Variants in SNAPC1 observed in about 807,000 individuals in gnomAD.
SNAPC1 encodes the protein snRNA-activating protein complex subunit 1.
Under a neutral mutation model 50.1 loss-of-function variants are expected in SNAPC1, and 42 were observed. The observed-to-expected ratio is 0.84, with a 90% CI of 0.65 to 1.08. The LOEUF (loss-of-function observed/expected upper bound fraction) is 1.08. SNAPC1 is among the 50% of genes least tolerant of loss of function. SNAPC1 has a pLI of 0.00. For synonymous variants in SNAPC1, 164 were observed against 144.2 expected, an observed-to-expected ratio of 1.14 and a Z score of -0.98; for missense variants, 477 against 427.3, an observed-to-expected ratio of 1.12 and a Z score of -1.02.
At chr14:61,778,008 G>C in intron 5 of SNAPC1, 64 bp from the exon 6 acceptor site, 1 of 713,084 alleles carries the variant, frequency 1.4e-6, no homozygotes, top group Non-Finnish European at 2.3e-6. Context: ...AAATTGATTT[G>C]CAGTTAATTG....
intron 8 of SNAPC1, among the ~76,000 whole-genome samples, chr14:61,785,012 C>T (rs931541197): frequency 1.3e-5 from 2 of 152,034 alleles, no homozygotes; most frequent in African/African-American, 4.8e-5. Flanking sequence ...CCACTGTAAA[C>T]CTTACAAAGA....
At chr14:61,777,522 C>T (rs1488311480) in intron 5 of SNAPC1, among the ~76,000 whole-genome samples, 2 of 152,044 alleles carry the variant, frequency 1.3e-5, no homozygotes, top group Non-Finnish European at 2.9e-5. Context: ...GGTTTGCAGA[C>T]ACGTGCCACC....
intron 3 of SNAPC1, among the ~76,000 whole-genome samples, chr14:61,767,753 C>T (rs995385511): frequency 7.9e-5 from 12 of 151,520 alleles, no homozygotes; most frequent in Admixed American, 4.6e-4. Flanking sequence ...TGAGCCACTG[C>T]GCCCGGCCTG....
At chr14:61,774,560 GT>G (rs2045019539) in intron 4 of SNAPC1, among the ~76,000 whole-genome samples, 1 of 150,584 alleles carries the variant, frequency 6.6e-6, no homozygotes, top group Admixed American at 6.6e-5. Context: ...ACTGTAAAGA[GT>G]TAGGGGCTCT....
chr14:61,794,854 T>C (rs111944320), intron 9 of SNAPC1, 95 bp from the exon 10 acceptor site: 32 of 809,550 alleles, frequency 4.0e-5, no homozygotes, highest in African/African-American at 2.6e-4. Flanking sequence ...ATGTGTATTA[T>C]CAATTAGGTA....
intron 4 of SNAPC1, 36 bp downstream of exon 4, chr14:61,768,776 A>ACGGTTTTGCCGTGTT: frequency 8.3e-7 from 1 of 1,205,624 alleles, no homozygotes; most frequent in Non-Finnish European, 1.2e-6. Context: ...AATTTTTAAA[A>ACGGTTTTGCCGTGTT]ATTGTTTTAT....
intron 8 of SNAPC1, 74 bp from the exon 9 acceptor site, chr14:61,792,733 T>C: frequency 2.4e-6 from 2 of 841,110 alleles, no homozygotes; most frequent in Non-Finnish European, 3.6e-6. Flanking sequence ...ATAATGACAG[T>C]TTTTGTAAAA....
rs950247528 is a variant in SNAPC1, at chr14:61,778,788, C to T, written c.763-60C>T. 20 of 972,162 alleles carry T rather than the reference C, an allele frequency of 2.1e-5. No individual in the cohort carries two copies. In the African/African-American group the frequency reaches 3.2e-4, roughly 15 times the overall value. 60.2% of individuals were successfully genotyped at this position (972,162 alleles called of 1,614,324 possible). A position where few individuals can be genotyped will look rare whatever the true frequency, so the allele number is the denominator to read the frequency against. ...TTCTGATAATAAATACTTGGGTATT[C>T]AGTTTTTCACCTAATGTTTGTGTGT... On this transcript the variant is annotated intron_variant, in intron 6 of 9. Transcript: ENST00000216294.
chr14:61,794,648 T>G (rs2045175801), intron 9 of SNAPC1, among the ~76,000 whole-genome samples: 2 of 152,188 alleles, frequency 1.3e-5, no homozygotes, highest in South Asian at 4.1e-4. Flanking sequence ...GACCTCATGA[T>G]TCGCCCACCT....
At chr14:61,781,172 G>A (rs944242415) in intron 7 of SNAPC1, among the ~76,000 whole-genome samples, 2 of 152,058 alleles carry the variant, frequency 1.3e-5, no homozygotes, top group Non-Finnish European at 2.9e-5. Context: ...ATTGTTGGCC[G>A]GGTGCGGTGG....
In SNAPC1 at chr14:61,762,420, A is replaced by AGAGGCGTGCGGGCCTCG; in HGVS notation, c.-28_-27insCTCGGAGGCGTGCGGGC. 3.6e-6 allele frequency: 5 copies of AGAGGCGTGCGGGCCTCG among 1,387,534 alleles called. No individual in the cohort carries two copies. Among genetic ancestry groups the AGAGGCGTGCGGGCCTCG allele is most frequent in the Non-Finnish European group, 4.9e-6 (5 of 1,015,942 alleles). The allele number at this position is 1,387,534 out of a possible 1,614,324, so 86.0% of individuals were successfully genotyped here. On this transcript the variant is annotated 5_prime_UTR_variant, in exon 1 of 10. Transcript: ENST00000216294. ...GGCGACCACCGCTGGCTAGTCCGTT[A>AGAGGCGTGCGGGCCTCG]GAGGCGTGCGGGCTTCGGAGGCGTG...
intron 5 of SNAPC1, among the ~76,000 whole-genome samples, chr14:61,777,411 T>C (rs771059439): frequency 3.9e-5 from 6 of 152,174 alleles, no homozygotes; most frequent in Non-Finnish European, 8.8e-5. Flanking sequence ...GTCTTCTTGC[T>C]CTGTCACCCT....
Position 61,776,228 on chromosome 14 carries a change from A to T in SNAPC1, c.668A>T (p.His223Leu), listed in dbSNP as rs935149301. Residue 223 changes from histidine to leucine, a missense_variant, in exon 5 of 10, where the codon CAT (histidine) becomes CTT (leucine). His to Leu is a moderately conservative substitution (Grantham distance 99, BLOSUM62 -3). Coordinates refer to ENST00000216294, the MANE Select transcript of SNAPC1 (RefSeq NM_003082.4). ...AATATTAAGAACATAGTTTTGGAGC[A>T]TCAGCAGTGGCACAAAGACAGAAAG... The part of the protein sequence containing the change: ...FDNIKNIVLE[H>L]QQWHKDRKNP... 1.2e-6 allele frequency: 2 copies of T among 1,612,708 alleles called. No individual in the cohort carries two copies. The highest frequency in any genetic ancestry group is 2.7e-5 in the African/African-American group (2 of 74,868).
chr14:61,766,753 A>G (rs2044951024), intron 1 of SNAPC1, 123 bp from the exon 2 acceptor site: 1 of 514,138 alleles, frequency 1.9e-6, no homozygotes, highest in Non-Finnish European at 3.4e-6. Flanking sequence ...TTGAATCATG[A>G]AAGAATCAGG....
chr14:61,780,095 C>G lies in SNAPC1; in HGVS notation c.825+1185C>G, dbSNP rs191532206. On this transcript the variant is annotated intron_variant, in intron 7 of 9. Transcript: ENST00000216294. Reference sequence around the variant, plus strand: ...AGTCAAGAGGAGATCAGGAGCTTATCTAACCTCTAGATTTCTTTGTCTTGG... The same window carrying G: ...AGTCAAGAGGAGATCAGGAGCTTATGTAACCTCTAGATTTCTTTGTCTTGG... 4.6e-3 allele frequency among the ~76,000 whole-genome samples: 707 copies of G among 152,266 alleles called. 4 individuals are homozygous for G. The highest frequency in any genetic ancestry group is 7.3e-3 in the Non-Finnish European group (498 of 68,010).
At chr14:61,773,397 GTTTTTTTTT>G (rs58782943) in intron 4 of SNAPC1, among the ~76,000 whole-genome samples, 1 of 99,324 alleles carries the variant, frequency 1.0e-5, no homozygotes, top group African/African-American at 4.0e-5. Flanking sequence ...TATTTCCTTA[GTTTTTTTTT>G]TTTTTTTTTT....
chr14:61,766,274 A>G (rs768420323), intron 1 of SNAPC1, among the ~76,000 whole-genome samples: 12 of 152,214 alleles, frequency 7.9e-5, no homozygotes, highest in Non-Finnish European at 1.5e-4. Context: ...CTTTCTCAGC[A>G]TTCCACAAGT....
rs1323291475 is a variant in SNAPC1 at position 61,776,163 on chromosome 14, A to G, written c.603A>G (p.Pro201=). The G allele has an allele frequency of 6.2e-7, 1 of 1,612,082 alleles. No individual in the cohort carries two copies. The highest frequency in any genetic ancestry group is 8.5e-7 in the Non-Finnish European group (1 of 1,178,854). The change falls in exon 5 of 10, where the codon CCA becomes CCG. Residue 201 remains proline, a synonymous_variant. Transcript: ENST00000216294. ...KHVISVDKSK[P]DKALSLIKDD... Reference sequence around the variant, plus strand: ...TAATTTCAGTTGATAAGTCCAAGCCAGATAAAGCCCTCAGCTTGATAAAGG... The same window carrying G: ...TAATTTCAGTTGATAAGTCCAAGCCGGATAAAGCCCTCAGCTTGATAAAGG...
In SNAPC1 at chr14:61,762,522, C is replaced by T. The variant is rs756634601; in HGVS notation, c.62C>T (p.Thr21Met). 7 of 1,511,964 alleles carry T rather than the reference C, an allele frequency of 4.6e-6. No individual in the cohort carries two copies. Among genetic ancestry groups the T allele is most frequent in the Non-Finnish European group, 6.3e-6 (7 of 1,118,710 alleles). 93.7% of individuals were successfully genotyped at this position (1,511,964 alleles called of 1,614,324 possible). A position where few individuals can be genotyped will look rare whatever the true frequency, so the allele number is the denominator to read the frequency against. ...GCGCTGCTCAGCCGCTTCCAGGAGACGGACAGTGTACGCTTCGAGGACTTC... is the reference window on the plus strand; with the variant it reads ...GCGCTGCTCAGCCGCTTCCAGGAGATGGACAGTGTACGCTTCGAGGACTTC... ...CEALLSRFQE[T>M]DSVRFEDFTE... Residue 21 changes from threonine (T) to methionine (M), a missense_variant, in exon 1 of 10, where the codon ACG becomes ATG. Thr to Met is a moderately conservative substitution (Grantham distance 81). Transcript: ENST00000216294.
Sources: gnomAD v4.1 joint callset for allele counts (sites outside exome capture counted in the v4.1 genomes callset) on GRCh38, gnomAD v4.1.1 for gene constraint, MANE v1.5 for transcripts, NCBI Gene and HGNC (gene_info 2026-07-23, HGNC 2026-07-21) for gene names.